Variants in ARHGAP10 observed in about 807,000 individuals in gnomAD.
ARHGAP10 encodes the protein rho GTPase-activating protein 10.
A neutral mutation model predicts 108.6 loss-of-function variants in ARHGAP10; 87 were observed. That is an observed-to-expected ratio of 0.80 (90% confidence interval 0.67 to 0.96). The LOEUF (loss-of-function observed/expected upper bound fraction) is 0.96. ARHGAP10 is among the 40% of genes least tolerant of loss of function. The probability of loss-of-function intolerance (pLI) is 0.00; values close to 1 mark genes in which losing one functional copy is unlikely to be tolerated. For missense variants in ARHGAP10, 939 were observed against 954.5 expected (o/e 0.98, Z 0.21); for synonymous variants, 347 against 341.1 (o/e 1.02, Z -0.19).
intron 1 of ARHGAP10, among the ~76,000 whole-genome samples, chr4:147,751,824 G>A (rs1397160689): frequency 3.3e-5 from 5 of 151,808 alleles, no homozygotes; most frequent in Admixed American, 6.6e-5. Flanking sequence ...ACATTTGCCC[G>A]AGGGTACTCA....
intron 22 of ARHGAP10, among the ~76,000 whole-genome samples, chr4:148,071,466 A>G (rs1184530342): frequency 1.3e-5 from 2 of 152,170 alleles, no homozygotes; most frequent in Non-Finnish European, 2.9e-5. Flanking sequence ...AAATACAAAA[A>G]TTAGCCAGGC....
chr4:148,024,267 AG>A (rs1741684518), intron 19 of ARHGAP10, among the ~76,000 whole-genome samples: 1 of 152,216 alleles, frequency 6.6e-6, no homozygotes, highest in Admixed American at 6.5e-5. Flanking sequence ...TGAATTTGAA[AG>A]TAGTCTTCAT....
intron 18 of ARHGAP10, among the ~76,000 whole-genome samples, chr4:147,989,157 C>T (rs1309468215): frequency 6.6e-6 from 1 of 152,134 alleles, no homozygotes; most frequent in Non-Finnish European, 1.5e-5. Context: ...GCCACAAAAA[C>T]CAGCAAGTTT....
intron 16 of ARHGAP10, among the ~76,000 whole-genome samples, chr4:147,961,910 C>T (rs564677476): frequency 1.3e-5 from 2 of 152,150 alleles, no homozygotes; most frequent in Non-Finnish European, 2.9e-5. Flanking sequence ...GCATTGCCTG[C>T]TTGACTTAGC....
intron 1 of ARHGAP10, among the ~76,000 whole-genome samples, chr4:147,817,876 T>C (rs1732319828): frequency 6.6e-6 from 1 of 152,220 alleles, no homozygotes; most frequent in Non-Finnish European, 1.5e-5. Context: ...ATAGGGGGCA[T>C]GGAGTTACAA....
At chr4:147,998,462 TA>T (rs1740564377) in intron 18 of ARHGAP10, among the ~76,000 whole-genome samples, 1 of 152,212 alleles carries the variant, frequency 6.6e-6, no homozygotes, top group African/African-American at 2.4e-5. Context: ...GTCTACACCA[TA>T]GTGAAGGAAA....
At chr4:147,972,207 C>T (rs189445894) in intron 18 of ARHGAP10, among the ~76,000 whole-genome samples, 19 of 151,990 alleles carry the variant, frequency 1.3e-4, no homozygotes, top group East Asian at 5.8e-4. Flanking sequence ...ATGAGATTGG[C>T]GTAAGAAAAT....
intron 18 of ARHGAP10, among the ~76,000 whole-genome samples, chr4:147,994,231 A>C (rs746612137): frequency 2.0e-5 from 3 of 152,236 alleles, no homozygotes; most frequent in Non-Finnish European, 4.4e-5. Context: ...TTTAAATTGC[A>C]CAAAAGTGCT....
chr4:147,985,325 C>G (rs1405062253), intron 18 of ARHGAP10, among the ~76,000 whole-genome samples: 1 of 152,162 alleles, frequency 6.6e-6, no homozygotes, highest in Non-Finnish European at 1.5e-5. Flanking sequence ...AGCAGGTGCT[C>G]TGAATGCATG....
chr4:147,966,744 A>G lies in ARHGAP10; in HGVS notation c.1621A>G (p.Thr541Ala). Residue 541 changes from threonine to alanine, a missense_variant, in exon 18 of 23, where the codon ACT (threonine) becomes GCT (alanine). Transcript: ENST00000336498. ...AAACTTAGGAGTGGTGTTTGGACCA[A>G]CTCTGATGAGGCCACAGGAAGAAAC... ...VANLGVVFGPTLMRPQEETVA... is the reference protein window; with the variant it reads ...VANLGVVFGPALMRPQEETVA... 23 of 1,606,166 alleles carry G rather than the reference A, an allele frequency of 1.4e-5. No individual in the cohort carries two copies. Among genetic ancestry groups the G allele is most frequent in the Non-Finnish European group, 2.0e-5 (23 of 1,174,566 alleles).
intron 1 of ARHGAP10, among the ~76,000 whole-genome samples, chr4:147,801,128 A>G (rs1560766267): frequency 6.6e-6 from 1 of 152,224 alleles, no homozygotes; most frequent in Admixed American, 6.5e-5. Context: ...AGATGTTGGA[A>G]TTTTAAAAAG....
intron 13 of ARHGAP10, among the ~76,000 whole-genome samples, chr4:147,925,193 A>G (rs1319277906): frequency 6.6e-6 from 1 of 152,020 alleles, no homozygotes; most frequent in African/African-American, 2.4e-5. Context: ...AGATTATCTC[A>G]AGCTTTTCCT....
At chr4:147,881,984 A>G in intron 10 of ARHGAP10, 52 bp downstream of exon 10, 1 of 1,548,416 alleles carries the variant, frequency 6.5e-7, no homozygotes, top group African/African-American at 1.4e-5. Flanking sequence ...TAAAAAAATG[A>G]TTTAAAAAAA....
chr4:147,927,939 C>T (rs565192970), intron 13 of ARHGAP10, among the ~76,000 whole-genome samples: 2 of 152,266 alleles, frequency 1.3e-5, no homozygotes, highest in Admixed American at 1.3e-4. Flanking sequence ...CCTGTTACTC[C>T]GTCGCTTTCC....
chr4:147,919,302 A>G (rs1578688818), intron 13 of ARHGAP10, among the ~76,000 whole-genome samples: 1 of 152,220 alleles, frequency 6.6e-6, no homozygotes, highest in Admixed American at 6.5e-5. Flanking sequence ...TAGTTTTGAG[A>G]TAAGAAAAAA....
intron 20 of ARHGAP10, 68 bp downstream of exon 20, chr4:148,047,119 C>T (rs1210129053): frequency 6.4e-7 from 1 of 1,568,592 alleles, no homozygotes; most frequent in African/African-American, 1.4e-5. Context: ...TTAAAGTTTC[C>T]ATGAGCAGTG....
chr4:147,989,202 G>A (rs1421822457), intron 18 of ARHGAP10, among the ~76,000 whole-genome samples: 5 of 151,858 alleles, frequency 3.3e-5, no homozygotes, highest in South Asian at 2.1e-4. Context: ...GGGAGTATAC[G>A]AATAGGTGTG....
At chr4:147,791,611 G>A (rs890055900) in intron 1 of ARHGAP10, among the ~76,000 whole-genome samples, 3 of 151,840 alleles carry the variant, frequency 2.0e-5, no homozygotes, top group Non-Finnish European at 2.9e-5. Flanking sequence ...TCCTCCCTGC[G>A]GGGCATGGAG....
chr4:147,902,614 C>A (rs1736295787), intron 10 of ARHGAP10, among the ~76,000 whole-genome samples: 1 of 152,028 alleles, frequency 6.6e-6, no homozygotes, highest in South Asian at 2.1e-4. Context: ...AGTGGCTGTG[C>A]ACCTGTAGTC....
Sources: allele counts gnomAD v4.1 joint callset (sites outside exome capture counted in the v4.1 genomes callset), GRCh38; gene constraint gnomAD v4.1.1; transcripts MANE v1.5; gene names NCBI Gene and HGNC (gene_info 2026-07-23, HGNC 2026-07-21).